Variants in LRRC1 observed in about 807,000 individuals in gnomAD.
LRRC1 encodes leucine-rich repeat-containing protein 1.
A neutral mutation model predicts 69.9 loss-of-function variants in LRRC1; 28 were observed. That is an observed-to-expected ratio of 0.40 (90% confidence interval 0.30 to 0.55). The LOEUF (loss-of-function observed/expected upper bound fraction) is 0.55. Among genes scored for constraint, LRRC1 ranks in the 20% least tolerant of loss-of-function variants. LRRC1 has a pLI of 0.47. For missense variants in LRRC1, 498 were observed against 609.0 expected (o/e 0.82, Z 1.92); for synonymous variants, 236 against 240.2 (o/e 0.98, Z 0.16).
intron 11 of LRRC1, among the ~76,000 whole-genome samples, chr6:53,917,096 C>T (rs1034384021): frequency 6.6e-6 from 1 of 152,120 alleles, no homozygotes. Flanking sequence ...ATTATTAGCT[C>T]CTTTGGAAAG....
In LRRC1 at chr6:53,848,241, G is replaced by C. The variant is rs180979344; in HGVS notation, c.277+6014G>C. ...TTGCAAATATATCCGCTTTCCCATT[G>C]TGAGCCTCCTCTCTGCCTTAACCTT... On this transcript the variant is annotated intron_variant, in intron 2 of 13. Coordinates refer to ENST00000370888, the MANE Select transcript of LRRC1 (RefSeq NM_018214.5). 5.3e-5 allele frequency among the ~76,000 whole-genome samples: 8 copies of C among 152,334 alleles called. No individual in the cohort carries two copies. The East Asian group carries it at 1.5e-3, about 29-fold the overall frequency.
At chr6:53,846,454 G>A (rs916392617) in intron 2 of LRRC1, among the ~76,000 whole-genome samples, 2 of 152,208 alleles carry the variant, frequency 1.3e-5, no homozygotes, top group African/African-American at 4.8e-5. Context: ...GTCAGCACGC[G>A]GTCGACTTTG....
chr6:53,803,894 C>T (rs1764562534), intron 1 of LRRC1, among the ~76,000 whole-genome samples: 1 of 152,102 alleles, frequency 6.6e-6, no homozygotes, highest in African/African-American at 2.4e-5. Flanking sequence ...TTCCGCAGTC[C>T]ACCCCCGCTT....
intron 9 of LRRC1, among the ~76,000 whole-genome samples, chr6:53,903,137 G>GGAGA (rs1252758475): frequency 2.0e-5 from 3 of 152,200 alleles, no homozygotes; most frequent in Non-Finnish European, 4.4e-5. Flanking sequence ...GGGAAGAGCA[G>GGAGA]GAGAGAAGAG....
chr6:53,887,250 A>G (rs552163562), intron 4 of LRRC1, among the ~76,000 whole-genome samples: 2 of 152,348 alleles, frequency 1.3e-5, no homozygotes, highest in South Asian at 4.1e-4. Flanking sequence ...TTGTCTATTA[A>G]TACTGCTTAA....
chr6:53,908,171 A>G (rs940192366), intron 10 of LRRC1, among the ~76,000 whole-genome samples: 2 of 152,200 alleles, frequency 1.3e-5, no homozygotes, highest in African/African-American at 4.8e-5. Context: ...CATGAGTATG[A>G]TGAATGAGAG....
At chr6:53,814,188 G>A (rs557648111) in intron 1 of LRRC1, among the ~76,000 whole-genome samples, 6 of 152,100 alleles carry the variant, frequency 3.9e-5, no homozygotes, top group African/African-American at 9.6e-5. Context: ...AAATATTTGT[G>A]GTATTGATTT....
At chr6:53,892,009 T>TACACAAACACAC (rs761476094) in intron 4 of LRRC1, among the ~76,000 whole-genome samples, 1 of 74,586 alleles carries the variant, frequency 1.3e-5, no homozygotes, top group Admixed American at 1.7e-4. Context: ...AATATATATA[T>TACACAAACACAC]ATACACACAC....
intron 4 of LRRC1, among the ~76,000 whole-genome samples, chr6:53,895,768 C>T (rs1424351982): frequency 6.6e-6 from 1 of 152,234 alleles, no homozygotes; most frequent in Non-Finnish European, 1.5e-5. Context: ...TTCCACTGTG[C>T]TCCTAATAGA....
intron 1 of LRRC1, among the ~76,000 whole-genome samples, chr6:53,835,775 A>C (rs1765596663): frequency 6.6e-6 from 1 of 152,146 alleles, no homozygotes; most frequent in Admixed American, 6.5e-5. Context: ...TCAACCATAG[A>C]ATTTTGTACA....
At chr6:53,823,311 C>T (rs1404471615) in intron 1 of LRRC1, among the ~76,000 whole-genome samples, 5 of 152,158 alleles carry the variant, frequency 3.3e-5, no homozygotes, top group Admixed American at 2.6e-4. Context: ...TATTAAAGAA[C>T]TTAATATATT....
chr6:53,795,547 C>T, intron 1 of LRRC1, 132 bp downstream of exon 1: 1 of 798,330 alleles, frequency 1.3e-6, no homozygotes, highest in Non-Finnish European at 1.9e-6. Context: ...CATTCACCTG[C>T]TTCTTTCTCC....
rs868068420 is a variant in LRRC1 at position 53,891,911 on chromosome 6, G to A, written c.447-4587G>A. 6.5e-4 allele frequency among the ~76,000 whole-genome samples: 98 copies of A among 151,648 alleles called. 2 individuals are homozygous for A. The highest frequency in any genetic ancestry group is 2.2e-3 in the African/African-American group (90 of 41,314). ...GAAGGCAGAGGCAGGAGAATCGCTTGAACCCAGGAGGCGGAGGTTGCAGTG... is the reference window on the plus strand; with the variant it reads ...GAAGGCAGAGGCAGGAGAATCGCTTAAACCCAGGAGGCGGAGGTTGCAGTG... On this transcript the variant is annotated intron_variant, in intron 4 of 13. Coordinates refer to ENST00000370888, the MANE Select transcript of LRRC1 (RefSeq NM_018214.5).
At chr6:53,843,221 T>A (rs1489440018) in intron 2 of LRRC1, among the ~76,000 whole-genome samples, 7 of 152,200 alleles carry the variant, frequency 4.6e-5, no homozygotes, top group African/African-American at 1.7e-4. Flanking sequence ...TTATTTTGTG[T>A]TTTGCTTCTG....
Position 53,883,128 on chromosome 6 carries a change from C to G in LRRC1, c.446+152C>G, listed in dbSNP as rs1045115107. 2.6e-5 allele frequency: 15 copies of G among 577,360 alleles called. No homozygotes were observed. The African/African-American group carries it at 2.8e-4, about 11-fold the overall frequency. 35.8% of individuals were successfully genotyped at this position (577,360 alleles called of 1,614,324 possible). A position where few individuals can be genotyped will look rare whatever the true frequency, so the allele number is the denominator to read the frequency against. On this transcript the variant is annotated intron_variant, in intron 4 of 13. Transcript: ENST00000370888. Reference sequence around the variant, plus strand: ...GACCTTCAAGAAAGATTATAGCCAGCCTCCTATGTTTTTGCATCTAATTTT... The same window carrying G: ...GACCTTCAAGAAAGATTATAGCCAGGCTCCTATGTTTTTGCATCTAATTTT...
chr6:53,795,566 CTT>C, intron 1 of LRRC1, 151 bp downstream of exon 1: 1 of 735,742 alleles, frequency 1.4e-6, no homozygotes, highest in Admixed American at 3.0e-5. Flanking sequence ...CCCCCTGTCT[CTT>C]TACTTCCATC....
At chr6:53,913,662 G>T (rs1768480380) in intron 10 of LRRC1, among the ~76,000 whole-genome samples, 192 bp from the exon 11 acceptor site, 1 of 152,258 alleles carries the variant, frequency 6.6e-6, no homozygotes, top group East Asian at 1.9e-4. Flanking sequence ...ATTTTGCAGA[G>T]ATTTTTATGA....
intron 1 of LRRC1, among the ~76,000 whole-genome samples, chr6:53,823,902 T>G (rs186317792): frequency 2.0e-5 from 3 of 152,318 alleles, no homozygotes; most frequent in African/African-American, 7.2e-5. Flanking sequence ...TGAGGGACAT[T>G]TAGGTTGATT....
chr6:53,910,273 C>G (rs1271854321), intron 10 of LRRC1, among the ~76,000 whole-genome samples: 1 of 152,148 alleles, frequency 6.6e-6, no homozygotes, highest in Non-Finnish European at 1.5e-5. Flanking sequence ...AAAATATCAG[C>G]TTCCTACATA....
Sources: gnomAD v4.1 joint callset for allele counts (sites outside exome capture counted in the v4.1 genomes callset) on GRCh38, gnomAD v4.1.1 for gene constraint, MANE v1.5 for transcripts, NCBI Gene and HGNC (gene_info 2026-07-23, HGNC 2026-07-21) for gene names.